STK3: variants seen among roughly 807,000 people sequenced by gnomAD.
The protein encoded by STK3 is serine/threonine kinase 3.
In STK3, 41 loss-of-function variants were observed where a neutral mutation model predicts 58.0. The observed-to-expected ratio is 0.71, with a 90% CI of 0.55 to 0.92. The LOEUF is 0.92. STK3 is among the 40% of genes least tolerant of loss of function. The pLI, the probability that STK3 is intolerant of heterozygous loss-of-function variation, is 0.00. For missense variants in STK3, 479 were observed against 602.7 expected (o/e 0.79, Z 2.15); for synonymous variants, 170 against 191.0 (o/e 0.89, Z 0.91).
chr8:98,466,207 A>G (rs1026413173), intron 10 of STK3, among the ~76,000 whole-genome samples: 2 of 152,214 alleles, frequency 1.3e-5, no homozygotes, highest in Non-Finnish European at 2.9e-5. Flanking sequence ...AAAACATTAT[A>G]TGAGAAATAT....
intron 9 of STK3, among the ~76,000 whole-genome samples, chr8:98,533,018 G>T (rs918657338): frequency 1.3e-5 from 2 of 151,672 alleles, no homozygotes; most frequent in Non-Finnish European, 2.9e-5. Context: ...TTCATGTTGT[G>T]GCATGTGTCA....
At chr8:98,610,169 G>A (rs1431518364) in intron 6 of STK3, among the ~76,000 whole-genome samples, 1 of 141,068 alleles carries the variant, frequency 7.1e-6, no homozygotes, top group African/African-American at 2.8e-5. Flanking sequence ...GAACTATCTG[G>A]AATGTACCAA....
chr8:98,820,043 G>A (rs1046110935), intron 1 of STK3, among the ~76,000 whole-genome samples: 8 of 152,034 alleles, frequency 5.3e-5, no homozygotes, highest in Admixed American at 5.2e-4. Context: ...AGTACTTTCT[G>A]CTTAACTCCT....
chr8:98,873,130 T>G (rs1439071643), intron 3 of STK3, among the ~76,000 whole-genome samples: 1 of 152,184 alleles, frequency 6.6e-6, no homozygotes, highest in East Asian at 1.9e-4. Context: ...TTGTTCAGTT[T>G]CCATGTAGTT....
At chr8:98,588,191 T>C (rs1419435234) in intron 7 of STK3, among the ~76,000 whole-genome samples, 3 of 152,152 alleles carry the variant, frequency 2.0e-5, no homozygotes, top group African/African-American at 4.8e-5. Context: ...TTCTTCCTAG[T>C]CTCGATGGTC....
At chr8:98,491,189 G>GAGAGAGAC (rs1554601935) in intron 10 of STK3, among the ~76,000 whole-genome samples, 10 of 151,434 alleles carry the variant, frequency 6.6e-5, no homozygotes, top group African/African-American at 2.4e-4. Context: ...GAGAGAGAGA[G>GAGAGAGAC]AGAGAGAGAG....
intron 8 of STK3, among the ~76,000 whole-genome samples, chr8:98,565,144 C>T (rs75983603): frequency 0.046 from 7,037 of 152,174 alleles, 168 homozygotes; most frequent in East Asian, 0.062. Flanking sequence ...ACCCATAAGT[C>T]AGTGGTTCTC....
At chr8:98,545,946 T>C (rs1213823510) in intron 9 of STK3, among the ~76,000 whole-genome samples, 1 of 152,212 alleles carries the variant, frequency 6.6e-6, no homozygotes, top group Non-Finnish European at 1.5e-5. Flanking sequence ...ACTTTACTAC[T>C]GCTATACTAC....
At chr8:98,577,666 C>T (rs541830444) in intron 8 of STK3, among the ~76,000 whole-genome samples, 1 of 152,228 alleles carries the variant, frequency 6.6e-6, no homozygotes, top group South Asian at 2.1e-4. Flanking sequence ...CTTGTCAAGC[C>T]TTCAGATGAC....
At chr8:98,479,264 G>A (rs540257551) in intron 10 of STK3, among the ~76,000 whole-genome samples, 2 of 152,178 alleles carry the variant, frequency 1.3e-5, no homozygotes, top group East Asian at 1.9e-4. Flanking sequence ...AAGGTGGGGC[G>A]GATCATGAGG....
intron 8 of STK3, among the ~76,000 whole-genome samples, chr8:98,576,829 C>A (rs1211163452): frequency 6.6e-6 from 1 of 152,118 alleles, no homozygotes; most frequent in Admixed American, 6.5e-5. Flanking sequence ...TCATGGGGGG[C>A]TGAAACAAAG....
At chr8:98,908,230 CTT>C (rs1838989400) in intron 1 of STK3, among the ~76,000 whole-genome samples, 1 of 152,168 alleles carries the variant, frequency 6.6e-6, no homozygotes, top group South Asian at 2.1e-4. Flanking sequence ...AGCTAGAATA[CTT>C]CTCTAAGGAA....
At chr8:98,655,169 G>A (rs1253497443) in intron 6 of STK3, among the ~76,000 whole-genome samples, 4 of 151,994 alleles carry the variant, frequency 2.6e-5, no homozygotes, top group South Asian at 2.1e-4. Context: ...AGAGCCCTCA[G>A]AAATAACGCC....
intron 3 of STK3, chr8:98,432,269 A>G (rs1267596342): frequency 6.0e-6 from 1 of 167,052 alleles, no homozygotes; most frequent in Non-Finnish European, 1.5e-5. Flanking sequence ...GACAGAGTAG[A>G]AACTGGAGAT....
chr8:98,773,858 G>A (rs762918122), intron 2 of STK3, among the ~76,000 whole-genome samples: 2 of 151,784 alleles, frequency 1.3e-5, no homozygotes, highest in Non-Finnish European at 2.9e-5. Context: ...GTGCAATGGC[G>A]TGATCTCAGC....
intron 6 of STK3, among the ~76,000 whole-genome samples, chr8:98,614,393 A>C (rs1455551589): frequency 6.6e-6 from 1 of 151,866 alleles, no homozygotes; most frequent in Non-Finnish European, 1.5e-5. Flanking sequence ...AGCACTTGAA[A>C]ACTAAAGAAC....
chr8:98,801,780 A>G (rs1385232295), intron 1 of STK3, among the ~76,000 whole-genome samples: 7 of 152,156 alleles, frequency 4.6e-5, no homozygotes, highest in African/African-American at 1.7e-4. Context: ...TTCCAGACAC[A>G]TTAGGATATG....
At chr8:98,689,593 A>T (rs912720664) in intron 6 of STK3, among the ~76,000 whole-genome samples, 1 of 152,022 alleles carries the variant, frequency 6.6e-6, no homozygotes, top group African/African-American at 2.4e-5. Context: ...CCAGCCTGGG[A>T]CATATATTGA....
chr8:98,868,244 A>G (rs552495638), intron 3 of STK3, among the ~76,000 whole-genome samples: 1 of 152,330 alleles, frequency 6.6e-6, no homozygotes, highest in South Asian at 2.1e-4. Flanking sequence ...CTTTTTAGAA[A>G]TCTTGGACAG....
Sources: gnomAD v4.1 joint callset for allele counts (sites outside exome capture counted in the v4.1 genomes callset) on GRCh38, gnomAD v4.1.1 for gene constraint, MANE v1.5 for transcripts, NCBI Gene and HGNC (gene_info 2026-07-23, HGNC 2026-07-21) for gene names.